The following TACC1 variants were observed in gnomAD, a reference collection of about 807,000 sequenced individuals.
TACC1 encodes the protein transforming acidic coiled-coil containing protein 1, also known as transforming acidic coiled-coil-containing protein 1.
Under a neutral mutation model 84.4 loss-of-function variants are expected in TACC1, and 48 were observed. That is an observed-to-expected ratio of 0.57 (90% CI 0.45 to 0.72). The LOEUF (loss-of-function observed/expected upper bound fraction) is 0.72. Among genes scored for constraint, TACC1 ranks in the 30% least tolerant of loss-of-function variants. The probability of loss-of-function intolerance (pLI) is 0.00; values close to 1 mark genes in which losing one functional copy is unlikely to be tolerated. For missense variants in TACC1, 920 were observed against 973.0 expected, an observed-to-expected ratio of 0.95 and a Z score of 0.72; for synonymous variants, 372 against 376.3, an observed-to-expected ratio of 0.99 and a Z score of 0.13.
chr8:38,760,156 A>G (rs1285907639), intron 3 of TACC1, among the ~76,000 whole-genome samples: 1 of 152,264 alleles, frequency 6.6e-6, no homozygotes, highest in African/African-American at 2.4e-5. Flanking sequence ...CTAATCAGGT[A>G]CTAAAAGTAA....
At chr8:38,790,896 G>A (rs932212733) in intron 2 of TACC1, among the ~76,000 whole-genome samples, 1 of 152,186 alleles carries the variant, frequency 6.6e-6, no homozygotes, top group African/African-American at 2.4e-5. Context: ...ATTTGTGTGC[G>A]ACGCATAGCT....
intron 3 of TACC1, among the ~76,000 whole-genome samples, chr8:38,778,977 T>G (rs947074894): frequency 1.7e-4 from 26 of 151,780 alleles, no homozygotes; most frequent in African/African-American, 5.8e-4. Context: ...TTGGGTTTTT[T>G]TTTTTTTTTT....
At chr8:38,828,861 C>T (rs1312202103) in intron 5 of TACC1, among the ~76,000 whole-genome samples, 4 of 152,154 alleles carry the variant, frequency 2.6e-5, no homozygotes, top group Admixed American at 1.3e-4. Flanking sequence ...ATGGTCTTTT[C>T]GCCACAATGC....
At chr8:38,763,139 T>TTTGTTGTTGTTG (rs539652779) in intron 3 of TACC1, among the ~76,000 whole-genome samples, 2 of 151,962 alleles carry the variant, frequency 1.3e-5, no homozygotes, top group Non-Finnish European at 2.9e-5. Flanking sequence ...TGGTATCTCA[T>TTTGTTGTTGTTG]TTGTTGTTGT....
upstream of TACC1, among the ~76,000 whole-genome samples, chr8:38,786,491 CAA>C (rs1206181576): frequency 6.6e-6 from 1 of 152,014 alleles, no homozygotes; most frequent in East Asian, 1.9e-4. Flanking sequence ...CGCTTGTGGC[CAA>C]GAGTTCAAGA....
chr8:38,804,436 A>G (rs1304799354), intron 2 of TACC1, among the ~76,000 whole-genome samples: 1 of 152,024 alleles, frequency 6.6e-6, no homozygotes, highest in Non-Finnish European at 1.5e-5. Context: ...AGTAGCTGGG[A>G]TTACAGGCAC....
At chr8:38,797,099 T>A (rs887561811) in intron 2 of TACC1, among the ~76,000 whole-genome samples, 1 of 152,258 alleles carries the variant, frequency 6.6e-6, no homozygotes, top group Non-Finnish European at 1.5e-5. Context: ...GTCCTCACCA[T>A]GTGGACCACT....
chr8:38,839,467 T>C (rs1251560035), intron 8 of TACC1: 1 of 366,614 alleles, frequency 2.7e-6, no homozygotes, highest in Non-Finnish European at 4.9e-6. Context: ...AATTTGTTGC[T>C]CTTTTATTAT....
intron 3 of TACC1, among the ~76,000 whole-genome samples, chr8:38,751,644 T>G (rs1809055618): frequency 6.6e-6 from 1 of 152,228 alleles, no homozygotes; most frequent in East Asian, 1.9e-4. Context: ...AAGTATTTTT[T>G]AAATCAAGGA....
At chr8:38,763,768 A>C (rs1811679219) in intron 3 of TACC1, among the ~76,000 whole-genome samples, 1 of 152,206 alleles carries the variant, frequency 6.6e-6, no homozygotes, top group South Asian at 2.1e-4. Flanking sequence ...ATATTGTTTT[A>C]ATGCTTGCTT....
At chr8:38,808,048 T>C (rs1233400134) in intron 2 of TACC1, among the ~76,000 whole-genome samples, 2 of 152,238 alleles carry the variant, frequency 1.3e-5, no homozygotes, top group Non-Finnish European at 2.9e-5. Context: ...TTTTGGTCTA[T>C]TTGTGGATTT....
rs139224414 is a variant in TACC1 at position 38,767,275 on chromosome 8, C to T, written c.27-21429C>T. Among the ~76,000 whole-genome samples, 419 of 152,306 alleles carry T rather than the reference C, an allele frequency of 2.8e-3. 2 individuals carry two copies. Among genetic ancestry groups the T allele is most frequent in the African/African-American group, 9.8e-3 (408 of 41,568 alleles). On this transcript the variant is annotated intron_variant, in intron 3 of 14. Coordinates refer to the TACC1 transcript ENST00000518415. Reference sequence around the variant, plus strand: ...TTTTCACACCTGTGTATCCATTGGCCTCAGAAGGCCCTTGAACCTCTTGAT... The same window carrying T: ...TTTTCACACCTGTGTATCCATTGGCTTCAGAAGGCCCTTGAACCTCTTGAT...
intron 3 of TACC1, among the ~76,000 whole-genome samples, chr8:38,772,864 A>G (rs1442984299): frequency 6.6e-6 from 1 of 151,818 alleles, no homozygotes; most frequent in Non-Finnish European, 1.5e-5. Flanking sequence ...GTATTAATAT[A>G]AATAAACACT....
At chr8:38,765,455 A>G (rs1812059120) in intron 3 of TACC1, among the ~76,000 whole-genome samples, 1 of 152,126 alleles carries the variant, frequency 6.6e-6, no homozygotes, top group Non-Finnish European at 1.5e-5. Context: ...TTGAGTGACA[A>G]GTTGTTTTTT....
intron 1 of TACC1, among the ~76,000 whole-genome samples, chr8:38,730,201 C>T (rs529610502): frequency 1.3e-5 from 2 of 152,314 alleles, no homozygotes; most frequent in South Asian, 2.1e-4. Flanking sequence ...TCCTCCCATC[C>T]GCCTCCTTGA....
At chr8:38,755,369 C>G (rs893996968) in intron 3 of TACC1, among the ~76,000 whole-genome samples, 1 of 152,022 alleles carries the variant, frequency 6.6e-6, no homozygotes, top group Non-Finnish European at 1.5e-5. Context: ...AAAACAAGAA[C>G]CAGGCACTGT....
chr8:38,825,174 G>A, intron 3 of TACC1, 134 bp from the exon 4 acceptor site: 1 of 893,054 alleles, frequency 1.1e-6, no homozygotes. Context: ...CCTCTCTCCT[G>A]CGGCGATGTA....
chr8:38,762,799 C>T (rs1206844509), intron 3 of TACC1, among the ~76,000 whole-genome samples: 1 of 152,140 alleles, frequency 6.6e-6, no homozygotes, highest in Non-Finnish European at 1.5e-5. Flanking sequence ...TGAGGTGATC[C>T]ACCCGCCTCG....
exon 3 of TACC1, chr8:38,745,313 A>G (rs1283275247): frequency 1.9e-6 from 1 of 531,794 alleles, no homozygotes; most frequent in African/African-American, 1.9e-5. Context: ...ACAAAGGAAA[A>G]ACAACACTCA....
Sources: allele counts gnomAD v4.1 joint callset (sites outside exome capture counted in the v4.1 genomes callset), GRCh38; gene constraint gnomAD v4.1.1; transcripts MANE v1.5; gene names NCBI Gene and HGNC (gene_info 2026-07-23, HGNC 2026-07-21).